The following ADAM11 variants were observed in gnomAD, a reference collection of about 807,000 sequenced individuals.
ADAM11 encodes disintegrin and metalloproteinase domain-containing protein 11.
A neutral mutation model predicts 119.1 loss-of-function variants in ADAM11; 49 were observed. The observed-to-expected ratio is 0.41, with a 90% CI of 0.33 to 0.52. The LOEUF (loss-of-function observed/expected upper bound fraction) is 0.52, where lower values mean the gene tolerates loss of function less well. Ranked by LOEUF, ADAM11 falls within the 20% of genes least tolerant of loss-of-function variation. ADAM11 has a pLI of 0.20. For synonymous variants in ADAM11, 364 were observed against 408.0 expected (o/e 0.89, Z 1.30); for missense variants, 777 against 1,047.5 (o/e 0.74, Z 3.56).
Position 44,759,172 on chromosome 17 carries a change from C to T in ADAM11, c.-28C>T, listed in dbSNP as rs2049357730. 3.8e-6 allele frequency: 5 copies of T among 1,306,462 alleles called. No homozygotes were observed. The highest frequency in any genetic ancestry group is 2.9e-4 in the Middle Eastern group (1 of 3,490). 80.9% of individuals were successfully genotyped at this position (1,306,462 alleles called of 1,614,324 possible). On this transcript the variant is annotated 5_prime_UTR_variant, in exon 1 of 27. Coordinates refer to ENST00000200557, the MANE Select transcript of ADAM11 (RefSeq NM_002390.6). ...CTCCCCGCGCCGCTGGCAGCCGCAG[C>T]CCCCGGACCGGGAGGAATGAGCGAG...
At chr17:44,764,639 A>G (rs2049425941) in intron 2 of ADAM11, among the ~76,000 whole-genome samples, 1 of 152,158 alleles carries the variant, frequency 6.6e-6, no homozygotes, top group Non-Finnish European at 1.5e-5. Context: ...TTGAGGTGGC[A>G]CAGCCTTAGT....
rs1261084391 is a variant in ADAM11 at position 44,759,101 on chromosome 17, C to CCGGCTCCGCAGCTGG, written c.-96_-82dup. On this transcript the variant is annotated 5_prime_UTR_variant, in exon 1 of 27. Coordinates refer to ENST00000200557, the MANE Select transcript of ADAM11 (RefSeq NM_002390.6). ...CCCCGCCCGGCCCCGCGCCCCCGCC[C>CCGGCTCCGCAGCTGG]CGGCTCCGCAGCTGGCGCCTCCCCA... is the stretch of plus-strand genomic sequence containing the variant. The CCGGCTCCGCAGCTGG allele has an allele frequency of 5.1e-6, 2 of 394,378 alleles. No individual in the cohort carries two copies. Among genetic ancestry groups the CCGGCTCCGCAGCTGG allele is most frequent in the African/African-American group, 4.4e-5 (2 of 45,880 alleles). The allele number at this position is 394,378 out of a possible 1,614,324, so 24.4% of individuals were successfully genotyped here.
At chr17:44,765,005 C>A (rs2049429962) in intron 2 of ADAM11, among the ~76,000 whole-genome samples, 1 of 152,088 alleles carries the variant, frequency 6.6e-6, no homozygotes, top group African/African-American at 2.4e-5. Context: ...CCCAAGCAAC[C>A]TCCTGGCTGC....
In ADAM11 at chr17:44,765,673, T is replaced by G. The variant is rs142162908; in HGVS notation, c.238-4045T>G. On this transcript the variant is annotated intron_variant, in intron 2 of 26. Coordinates refer to ENST00000200557, the MANE Select transcript of ADAM11 (RefSeq NM_002390.6). ...TTTTGCTGTGTTGCCCAGGCTGGAG[T>G]GCAGTGGCACGATCTTGGCTCACTG... is the stretch of plus-strand genomic sequence containing the variant. Among the ~76,000 whole-genome samples, 101 of 132,614 alleles carry G rather than the reference T, an allele frequency of 7.6e-4. 1 individual carries two copies. The East Asian group carries it at 0.023, about 30-fold the overall frequency. 87.0% of individuals were successfully genotyped at this position (132,614 alleles called of 152,430 possible).
At chr17:44,771,538 C>T (rs768332402) in intron 4 of ADAM11, 46 bp from the exon 5 acceptor site, 5 of 1,587,598 alleles carry the variant, frequency 3.1e-6, no homozygotes, top group Non-Finnish European at 2.6e-6. Flanking sequence ...CCATTGGCTG[C>T]CCCCGGCCTC....
At position 44,775,148 on chromosome 17, in the gene ADAM11, C is replaced by G. The variant is rs939799468; in HGVS notation, c.1221-64C>G. On this transcript the variant is annotated intron_variant, in intron 14 of 26. Transcript: ENST00000200557. The surrounding 1 kb of genome is among the most constrained non-coding windows in gnomAD (Gnocchi z 7.5). Reference sequence around the variant, plus strand: ...TCCCCCAGTGTACCCCCTCCCCAGCCTTGAGAGGGGTGAGGGTGGGTTGGA... The same window carrying G: ...TCCCCCAGTGTACCCCCTCCCCAGCGTTGAGAGGGGTGAGGGTGGGTTGGA... 74 of 1,400,190 alleles carry G rather than the reference C, an allele frequency of 5.3e-5. No homozygotes were observed. Among genetic ancestry groups the G allele is most frequent in the Admixed American group, 3.4e-4 (20 of 58,564 alleles). 86.7% of individuals were successfully genotyped at this position (1,400,190 alleles called of 1,614,324 possible).
At position 44,775,597 on chromosome 17, in the gene ADAM11, C is replaced by G; in HGVS notation, c.1406C>G (p.Ala469Gly). The part of the protein sequence containing the change: ...DCGSVQECSR[A>G]GGNCCKKCTL... Reference sequence around the variant, plus strand: ...CGCGTCCCTCAGGAGTGCAGCCGCGCAGGTGGCAACTGCTGCAAGAAATGC... The same window carrying G: ...CGCGTCCCTCAGGAGTGCAGCCGCGGAGGTGGCAACTGCTGCAAGAAATGC... The change falls in exon 17 of 27, where the codon GCA becomes GGA. Residue 469 changes from alanine (A) to glycine (G), a missense_variant. By Grantham distance (60) the Ala-to-Gly change is moderately conservative. This residue lies in a region of ADAM11 where 348 missense variants were observed against 486.7 expected (regional missense o/e 0.72). Transcript: ENST00000200557. The surrounding 1 kb of genome is among the most constrained non-coding windows in gnomAD (Gnocchi z 7.5). The G allele has an allele frequency of 6.3e-7, 1 of 1,580,036 alleles. No homozygotes were observed. The highest frequency in any genetic ancestry group is 8.6e-7 in the Non-Finnish European group (1 of 1,164,268).
intron 2 of ADAM11, among the ~76,000 whole-genome samples, chr17:44,760,570 G>A (rs969202445): frequency 6.6e-6 from 1 of 152,210 alleles, no homozygotes; most frequent in Non-Finnish European, 1.5e-5. Flanking sequence ...TAATCACCCA[G>A]ATGGAATATT....
Position 44,773,348 on chromosome 17 carries a change from C to T in ADAM11, c.913C>T (p.Leu305Phe), listed in dbSNP as rs2049553384. Residue 305 changes from leucine (L) to phenylalanine (F), a missense_variant, in exon 11 of 27, where the codon CTC (leucine) becomes TTC (phenylalanine). Around this residue, in one of 4 missense-constraint regions of ADAM11, gnomAD observed 147 missense variants for 223.3 expected, o/e 0.66. Transcript: ENST00000200557. The surrounding 1 kb of genome is among the most constrained non-coding windows in gnomAD (Gnocchi z 4.6). ...GGACAAGATCCAGGTGCAGGATGAC[C>T]TCCTGGAGACCCTGGCCCGGCTCAT... ...DGDKIQVQDD[L>F]LETLARLMVY... 6.2e-7 allele frequency: 1 copy of T among 1,613,964 alleles called. No individual in the cohort carries two copies. Among genetic ancestry groups the T allele is most frequent in the African/African-American group, 1.3e-5 (1 of 74,920 alleles).
At chr17:44,778,582 C>T (rs374800846) in intron 25 of ADAM11, among the ~76,000 whole-genome samples, 92 of 149,202 alleles carry the variant, frequency 6.2e-4, no homozygotes, top group African/African-American at 2.2e-3. Flanking sequence ...ATCCCAGCTA[C>T]TTGCGAGGCT....
chr17:44,771,729 AG>A, intron 5 of ADAM11, 26 bp from the exon 6 acceptor site: 1 of 1,612,438 alleles, frequency 6.2e-7, no homozygotes, highest in Non-Finnish European at 8.5e-7. Flanking sequence ...CTGGGGACGG[AG>A]GGGAGCTGCG....
chr17:44,759,883 C>T lies in ADAM11; in HGVS notation c.223C>T (p.Pro75Ser), dbSNP rs759848487. The T allele has an allele frequency of 1.2e-5, 16 of 1,305,472 alleles. No homozygotes were observed. Among genetic ancestry groups the T allele is most frequent in the Non-Finnish European group, 1.5e-5 (15 of 1,019,392 alleles). The allele number at this position is 1,305,472 out of a possible 1,614,324, so 80.9% of individuals were successfully genotyped here. ...GCTGGACACAAGGGTCCGCCAGGAGCCACCAGGGGGCCCGGTGAGTGGGGC... is the reference window on the plus strand; with the variant it reads ...GCTGGACACAAGGGTCCGCCAGGAGTCACCAGGGGGCCCGGTGAGTGGGGC... ...QQLDTRVRQEPPGGPPVHLAQ... is the reference protein window; with the variant it reads ...QQLDTRVRQESPGGPPVHLAQ... Residue 75 changes from proline (P) to serine (S), a missense_variant, in exon 2 of 27, where the codon CCA becomes TCA. Around this residue, in one of 4 missense-constraint regions of ADAM11, gnomAD observed 278 missense variants for 310.1 expected, o/e 0.90. Coordinates refer to ENST00000200557, the MANE Select transcript of ADAM11 (RefSeq NM_002390.6).
At position 44,769,947 on chromosome 17, in the gene ADAM11, C is replaced by T. The variant is rs375456765; in HGVS notation, c.315-35C>T. On this transcript the variant is annotated intron_variant, in intron 3 of 26. Coordinates refer to ENST00000200557, the MANE Select transcript of ADAM11 (RefSeq NM_002390.6). ...GCCTCAAGCCCGACCTCACCTCGCC[C>T]GTGACCCCCCTTCCTGCTGCCCCCT... is the stretch of plus-strand genomic sequence containing the variant. 6.2e-6 allele frequency: 10 copies of T among 1,613,382 alleles called. No individual in the cohort carries two copies. The East Asian group carries it at 1.1e-4, about 18-fold the overall frequency.
In ADAM11 at chr17:44,772,537, G is replaced by A; in HGVS notation, c.678+71G>A. 1 of 1,506,534 alleles carries A rather than the reference G, an allele frequency of 6.6e-7. No individual in the cohort carries two copies. The highest frequency in any genetic ancestry group is 9.0e-7 in the Non-Finnish European group (1 of 1,114,134). The allele number at this position is 1,506,534 out of a possible 1,614,324, so 93.3% of individuals were successfully genotyped here. A position where few individuals can be genotyped will look rare whatever the true frequency, so the allele number is the denominator to read the frequency against. On this transcript the variant is annotated intron_variant, in intron 8 of 26. Transcript: ENST00000200557. This position sits in a 1 kb window ranked among gnomAD's most constrained non-coding sequence, Gnocchi z 4.5. ...CAGAGAGACCTCAGGCCGTGGCCCA[G>A]AGCAGGAGGGCACCCTCATCTATGG...
In ADAM11 at chr17:44,777,395, G is replaced by T; in HGVS notation, c.1782-87G>T. 6.5e-7 allele frequency: 1 copy of T among 1,531,748 alleles called. No homozygotes were observed. The highest frequency in any genetic ancestry group is 9.0e-7 in the Non-Finnish European group (1 of 1,112,566). The allele number at this position is 1,531,748 out of a possible 1,614,324, so 94.9% of individuals were successfully genotyped here. On this transcript the variant is annotated intron_variant, in intron 21 of 26. Transcript: ENST00000200557. This position sits in a 1 kb window ranked among gnomAD's most constrained non-coding sequence, Gnocchi z 5.1. ...GGGCGGGCACGTGGCAAATGAGGTGGCAGGGTGCAGGGTGAGGGCAGATTA... is the reference window on the plus strand; with the variant it reads ...GGGCGGGCACGTGGCAAATGAGGTGTCAGGGTGCAGGGTGAGGGCAGATTA...
Position 44,776,238 on chromosome 17 carries a change from C to T in ADAM11, c.1566+31C>T. 6.2e-7 allele frequency: 1 copy of T among 1,612,124 alleles called. No individual in the cohort carries two copies. Among genetic ancestry groups the T allele is most frequent in the Admixed American group, 1.7e-5 (1 of 59,952 alleles). ...CCCGGCCCCGCCGTCTTGTGGAGCC[C>T]TGGGCGAGGCAACCCCTACCCTTGT... On this transcript the variant is annotated intron_variant, in intron 18 of 26. Transcript: ENST00000200557. The surrounding 1 kb of genome is among the most constrained non-coding windows in gnomAD (Gnocchi z 5.2).
At position 44,781,164 on chromosome 17, in the gene ADAM11, C is replaced by T. The variant is rs1384471683; in HGVS notation, c.*1410C>T. On this transcript the variant is annotated 3_prime_UTR_variant, in exon 27 of 27. Transcript: ENST00000200557. ...CCTCACTCGGCAGGGAGTTCTGACA[C>T]CCCAGGGCCCGTGAGCTACCTGCTT... 1 of 152,252 alleles carries T rather than the reference C, an allele frequency of 6.6e-6. No homozygotes were observed. The highest frequency in any genetic ancestry group is 6.5e-5 in the Admixed American group (1 of 15,286). 9.4% of individuals were successfully genotyped at this position (152,252 alleles called of 1,614,324 possible).
chr17:44,773,932 A>G lies in ADAM11; in HGVS notation c.993-363A>G, dbSNP rs2145232304. Among the ~76,000 whole-genome samples the G allele has an allele frequency of 6.6e-6, 1 of 152,198 alleles. No homozygotes were observed. The highest frequency in any genetic ancestry group is 2.4e-5 in the African/African-American group (1 of 41,542). Reference sequence around the variant, plus strand: ...CCAACATGGTGAAACCCCATCTCAAAATACAAAAATTAGCCAGGCGTGGTG... The same window carrying G: ...CCAACATGGTGAAACCCCATCTCAAGATACAAAAATTAGCCAGGCGTGGTG... On this transcript the variant is annotated intron_variant, in intron 11 of 26. Coordinates refer to ENST00000200557, the MANE Select transcript of ADAM11 (RefSeq NM_002390.6). The surrounding 1 kb of genome is among the most constrained non-coding windows in gnomAD (Gnocchi z 4.6).
At chr17:44,770,652 A>G (rs2049512484) in intron 4 of ADAM11, among the ~76,000 whole-genome samples, 1 of 152,136 alleles carries the variant, frequency 6.6e-6, no homozygotes, top group Non-Finnish European at 1.5e-5. Context: ...CCACAGGCCC[A>G]GGGGTGTCCT....
Sources: gnomAD v4.1 joint callset for allele counts (sites outside exome capture counted in the v4.1 genomes callset) on GRCh38, gnomAD v4.1.1 for gene constraint, gnomAD v4.1.1 regional missense constraint, Gnocchi (gnomAD v3.1) non-coding constraint, MANE v1.5 for transcripts, NCBI Gene and HGNC (gene_info 2026-07-23, HGNC 2026-07-21) for gene names.